Variants in PCDH9 observed in about 807,000 individuals in gnomAD.
PCDH9 encodes protocadherin-9.
PCDH9 carries 24 observed loss-of-function variants against 70.6 expected under a neutral mutation model. The observed-to-expected ratio is 0.34, with a 90% CI of 0.25 to 0.48. PCDH9 has a LOEUF of 0.48. Ranked by LOEUF, PCDH9 falls within the 20% of genes least tolerant of loss-of-function variation. PCDH9 has a pLI of 0.99. For missense variants in PCDH9, 1,281 were observed against 1,503.6 expected, an observed-to-expected ratio of 0.85 and a Z score of 2.45; for synonymous variants, 562 against 558.5, an observed-to-expected ratio of 1.01 and a Z score of -0.09.
intron 3 of PCDH9, among the ~76,000 whole-genome samples, chr13:66,822,589 C>G (rs966109893): frequency 6.8e-6 from 1 of 147,562 alleles, no homozygotes; most frequent in African/African-American, 2.5e-5. Context: ...GGCAGTGGTG[C>G]TATCTTGGCT....
chr13:67,091,373 C>A (rs1362173377), intron 2 of PCDH9, among the ~76,000 whole-genome samples: 1 of 152,114 alleles, frequency 6.6e-6, no homozygotes, highest in East Asian at 1.9e-4. Context: ...AAATTTAAAT[C>A]TATTTTGTCA....
chr13:66,464,315 C>G (rs1039588407), intron 4 of PCDH9, among the ~76,000 whole-genome samples: 2 of 151,512 alleles, frequency 1.3e-5, no homozygotes, highest in African/African-American at 4.8e-5. Flanking sequence ...GAATGTCTAT[C>G]AAAACCAGAA....
chr13:66,319,945 G>A (rs1161452181), intron 4 of PCDH9, among the ~76,000 whole-genome samples: 2 of 151,876 alleles, frequency 1.3e-5, no homozygotes, highest in Non-Finnish European at 2.9e-5. Flanking sequence ...ATGCTGACAG[G>A]CACAATCAAC....
At chr13:66,423,563 C>T (rs920173363) in intron 4 of PCDH9, among the ~76,000 whole-genome samples, 1 of 152,048 alleles carries the variant, frequency 6.6e-6, no homozygotes, top group African/African-American at 2.4e-5. Context: ...ATAAACAGAA[C>T]CAATGACAAA....
At chr13:66,482,526 T>A (rs1958860731) in intron 4 of PCDH9, among the ~76,000 whole-genome samples, 1 of 152,130 alleles carries the variant, frequency 6.6e-6, no homozygotes, top group African/African-American at 2.4e-5. Flanking sequence ...AATCAAATTG[T>A]CATGATGGGT....
At chr13:66,455,602 A>G (rs1446302602) in intron 4 of PCDH9, among the ~76,000 whole-genome samples, 1 of 152,092 alleles carries the variant, frequency 6.6e-6, no homozygotes, top group Non-Finnish European at 1.5e-5. Context: ...TCCAAACTGG[A>G]TTTCTCTTTC....
In PCDH9 at chr13:66,645,299, G is replaced by A. The variant is rs186169845; in HGVS notation, c.3139-13888C>T. ...CCATCACCCATGCATATAATCTCCC[G>A]TAGTGTTTGCAGGGCAAAACTGTTA... On this transcript the variant is annotated intron_variant, in intron 3 of 4. Coordinates refer to ENST00000377865, the MANE Select transcript of PCDH9 (RefSeq NM_203487.3). Among the ~76,000 whole-genome samples the A allele has an allele frequency of 1.8e-4, 27 of 152,026 alleles. No individual in the cohort carries two copies. In the East Asian group the frequency reaches 4.4e-3, roughly 25 times the overall value.
intron 2 of PCDH9, chr13:67,203,847 T>A (rs1331298872): frequency 3.3e-5 from 5 of 151,978 alleles, no homozygotes; most frequent in Admixed American, 1.3e-4. Context: ...ATAATGACAG[T>A]CAAGTTTTCA....
chr13:66,985,384 G>A (rs1178728347), intron 2 of PCDH9: 2 of 152,026 alleles, frequency 1.3e-5, no homozygotes, highest in South Asian at 2.1e-4. Flanking sequence ...TTATGATTAT[G>A]TTACATATTT....
At chr13:66,581,593 C>T (rs1043592539) in intron 4 of PCDH9, among the ~76,000 whole-genome samples, 1 of 152,122 alleles carries the variant, frequency 6.6e-6, no homozygotes, top group Non-Finnish European at 1.5e-5. Context: ...AAGGACGTTA[C>T]TTCAAACTTA....
At position 66,653,687 on chromosome 13, in the gene PCDH9, G is replaced by T. The variant is rs372620479; in HGVS notation, c.3139-22276C>A. On this transcript the variant is annotated intron_variant, in intron 3 of 4. Transcript: ENST00000377865. ...GTATATACCCAAAAGAAAGAAAATC[G>T]CCGGGCACGGTGGCTCATGCCTATA... Among the ~76,000 whole-genome samples the T allele has an allele frequency of 3.1e-3, 477 of 152,050 alleles. 2 individuals carry two copies. Among genetic ancestry groups the T allele is most frequent in the African/African-American group, 0.011 (443 of 41,508 alleles).
intron 4 of PCDH9, among the ~76,000 whole-genome samples, chr13:66,548,113 G>A (rs1242885431): frequency 6.6e-6 from 1 of 151,078 alleles, no homozygotes; most frequent in African/African-American, 2.4e-5. Flanking sequence ...AATAAGTTGT[G>A]GTATGCCAAA....
At chr13:66,426,363 C>A (rs1398584188) in intron 4 of PCDH9, among the ~76,000 whole-genome samples, 1 of 151,602 alleles carries the variant, frequency 6.6e-6, no homozygotes, top group African/African-American at 2.4e-5. Context: ...ATTTAAGCCA[C>A]ATCTAGAGAG....
chr13:67,181,024 T>C (rs1464289718), intron 2 of PCDH9, among the ~76,000 whole-genome samples: 1 of 152,186 alleles, frequency 6.6e-6, no homozygotes, highest in African/African-American at 2.4e-5. Context: ...TTTTAATTAC[T>C]AAAAATCAAT....
intron 4 of PCDH9, among the ~76,000 whole-genome samples, chr13:66,539,466 G>A (rs544473490): frequency 3.8e-4 from 58 of 152,082 alleles, no homozygotes; most frequent in Non-Finnish European, 7.8e-4. Flanking sequence ...TCCCCCTTTT[G>A]CTTTGGATTT....
intron 4 of PCDH9, among the ~76,000 whole-genome samples, chr13:66,603,719 C>T (rs772584873): frequency 1.3e-5 from 2 of 151,826 alleles, no homozygotes; most frequent in African/African-American, 4.8e-5. Context: ...GTATCTGGTG[C>T]CCCAAATAGT....
intron 2 of PCDH9, among the ~76,000 whole-genome samples, chr13:67,159,553 CT>C (rs1357426413): frequency 7.2e-5 from 11 of 152,104 alleles, no homozygotes; most frequent in Non-Finnish European, 1.5e-5. Context: ...AGAAACCAGA[CT>C]GGACCCCAGA....
chr13:66,759,925 T>A (rs185284629), intron 3 of PCDH9, among the ~76,000 whole-genome samples: 3 of 152,126 alleles, frequency 2.0e-5, no homozygotes, highest in Non-Finnish European at 2.9e-5. Context: ...GACTGTGTAG[T>A]TCATTTTAGC....
chr13:66,891,701 G>A (rs567070221), intron 3 of PCDH9, among the ~76,000 whole-genome samples: 18 of 152,018 alleles, frequency 1.2e-4, no homozygotes, highest in African/African-American at 4.3e-4. Flanking sequence ...CTTCCCCAAC[G>A]TATGCTTTTT....
Sources: allele counts gnomAD v4.1 joint callset (sites outside exome capture counted in the v4.1 genomes callset), GRCh38; gene constraint gnomAD v4.1.1; transcripts MANE v1.5; gene names NCBI Gene and HGNC (gene_info 2026-07-23, HGNC 2026-07-21).